BCAS3: variants seen among roughly 807,000 people sequenced by gnomAD.
BCAS3 encodes BCAS3 microtubule associated cell migration factor.
In BCAS3, 53 loss-of-function variants were observed where a neutral mutation model predicts 116.1. The ratio of observed to expected loss-of-function variants is 0.46; its 90% CI spans 0.37 to 0.57. The LOEUF is 0.57. BCAS3 is among the 20% of genes least tolerant of loss of function. The pLI, the probability that BCAS3 is intolerant of heterozygous loss-of-function variation, is 0.00. For synonymous variants in BCAS3, 391 were observed against 408.2 expected (o/e 0.96, Z 0.51); for missense variants, 917 against 1,165.4 (o/e 0.79, Z 3.10).
chr17:60,714,533 A>T (rs562653940), intron 5 of BCAS3, among the ~76,000 whole-genome samples: 1 of 152,048 alleles, frequency 6.6e-6, no homozygotes, highest in African/African-American at 2.4e-5. Flanking sequence ...GCCACCTGTA[A>T]TCCCAGCTAC....
rs1215196347 is a variant in BCAS3, at chr17:61,144,122, CT to C, written c.2425+59566del. 6.6e-6 allele frequency among the ~76,000 whole-genome samples: 1 copy of C among 151,920 alleles called. No homozygotes were observed. The highest frequency in any genetic ancestry group is 2.1e-4 in the South Asian group (1 of 4,810). ...GGAGGACAGTTGACTCCTTTCTACT[CT>C]TTTTTTTGCCGTTGTCCCTATTTTT... On this transcript the variant is annotated intron_variant, in intron 22 of 23. Coordinates refer to ENST00000407086, the MANE Select transcript of BCAS3 (RefSeq NM_017679.5). The surrounding 1 kb of genome is among the most constrained non-coding windows in gnomAD (Gnocchi z 5.0).
intron 22 of BCAS3, among the ~76,000 whole-genome samples, chr17:61,176,727 T>C (rs1032573698): frequency 3.3e-5 from 5 of 151,808 alleles, no homozygotes; most frequent in African/African-American, 1.2e-4. Flanking sequence ...CCCAACAATT[T>C]TTGAAATTTT....
chr17:60,891,241 T>C (rs771147202), intron 10 of BCAS3, among the ~76,000 whole-genome samples: 2 of 152,220 alleles, frequency 1.3e-5, no homozygotes, highest in African/African-American at 2.4e-5. Context: ...TTGGTTCTTG[T>C]GGATGTATTC....
intron 6 of BCAS3, among the ~76,000 whole-genome samples, chr17:60,785,134 TTTAAC>T (rs1463127272): frequency 6.6e-6 from 1 of 152,148 alleles, no homozygotes; most frequent in Non-Finnish European, 1.5e-5. Context: ...AACATGCCCT[TTTAAC>T]TTAGGAGTTT....
At chr17:60,862,377 G>A (rs1163687083) in intron 7 of BCAS3, among the ~76,000 whole-genome samples, 3 of 152,108 alleles carry the variant, frequency 2.0e-5, no homozygotes, top group Non-Finnish European at 4.4e-5. Context: ...AATTTCAGTA[G>A]GATTGGTAGC....
At chr17:61,330,462 G>A (rs796798685) in intron 22 of BCAS3, among the ~76,000 whole-genome samples, 43 of 152,290 alleles carry the variant, frequency 2.8e-4, no homozygotes, top group African/African-American at 1.0e-3. Flanking sequence ...CTTTGAATTG[G>A]CCTGGGCCCC....
intron 17 of BCAS3, among the ~76,000 whole-genome samples, chr17:61,036,911 CTT>C (rs905555311): frequency 6.6e-6 from 1 of 152,068 alleles, no homozygotes; most frequent in African/African-American, 2.4e-5. Flanking sequence ...GTTGAATAGA[CTT>C]TATTTTCTAA....
At chr17:60,734,093 G>C (rs1346663825) in intron 5 of BCAS3, among the ~76,000 whole-genome samples, 1 of 152,036 alleles carries the variant, frequency 6.6e-6, no homozygotes, top group Non-Finnish European at 1.5e-5. Flanking sequence ...TATCATCTAG[G>C]TTTTCTCCTG....
chr17:60,969,256 C>T (rs925374732), intron 14 of BCAS3, among the ~76,000 whole-genome samples: 1 of 152,052 alleles, frequency 6.6e-6, no homozygotes, highest in African/African-American at 2.4e-5. Context: ...CTGGAAGTCT[C>T]CATCTTCTAG....
At chr17:61,016,955 G>A (rs889092793) in intron 16 of BCAS3, 2 of 152,126 alleles carry the variant, frequency 1.3e-5, no homozygotes, top group Non-Finnish European at 2.9e-5. Context: ...TAGGTGGAGT[G>A]GTGTTTGTAT....
chr17:60,703,946 A>G, intron 4 of BCAS3, among the ~76,000 whole-genome samples: 1 of 151,978 alleles, frequency 6.6e-6, no homozygotes, highest in Middle Eastern at 3.4e-3. Context: ...AGAAAAAAAA[A>G]AGAAAGACTT....
rs1031423886 is a variant in BCAS3 at position 61,051,574 on chromosome 17, A to C, written c.2029+10682A>C. ...TGTACTATTTTGCAACTTTTTGTGA[A>C]TCTTTAATCATTTCAAAATAAAAAC... On this transcript the variant is annotated intron_variant, in intron 19 of 23. Coordinates refer to ENST00000407086, the MANE Select transcript of BCAS3 (RefSeq NM_017679.5). The surrounding 1 kb of genome is among the most constrained non-coding windows in gnomAD (Gnocchi z 4.1). Among the ~76,000 whole-genome samples, 2 of 152,186 alleles carry C rather than the reference A, an allele frequency of 1.3e-5. No individual in the cohort carries two copies. Among genetic ancestry groups the C allele is most frequent in the Non-Finnish European group, 2.9e-5 (2 of 68,036 alleles).
chr17:61,136,363 T>C lies in BCAS3; in HGVS notation c.2425+51799T>C, dbSNP rs1033045725. Among the ~76,000 whole-genome samples, 1 of 152,184 alleles carries C rather than the reference T, an allele frequency of 6.6e-6. No individual in the cohort carries two copies. The highest frequency in any genetic ancestry group is 1.5e-5 in the Non-Finnish European group (1 of 68,030). ...AGACAGATACTGTCTCTTCTTCATCTCTATATCTGTAGAACAGGGTTTCTC... is the reference window on the plus strand; with the variant it reads ...AGACAGATACTGTCTCTTCTTCATCCCTATATCTGTAGAACAGGGTTTCTC... On this transcript the variant is annotated intron_variant, in intron 22 of 23. Coordinates refer to ENST00000407086, the MANE Select transcript of BCAS3 (RefSeq NM_017679.5). The surrounding 1 kb of genome is among the most constrained non-coding windows in gnomAD (Gnocchi z 4.4).
rs150118723 is a variant in BCAS3 at position 60,926,638 on chromosome 17, A to G, written c.1087+2138A>G. On this transcript the variant is annotated intron_variant, in intron 13 of 23. Transcript: ENST00000407086. ...GCCTGGAAGTTATGTCACTTGTAGC[A>G]CTCCACTTGGAATGACCGGTATGAC... Among the ~76,000 whole-genome samples the G allele has an allele frequency of 4.7e-3, 713 of 152,094 alleles. 4 individuals carry two copies. Among genetic ancestry groups the G allele is most frequent in the African/African-American group, 0.016 (656 of 41,488 alleles).
chr17:61,141,064 C>G lies in BCAS3; in HGVS notation c.2425+56500C>G, dbSNP rs773878485. ...TCTTTATCCTGATTCACCTGTACAG[C>G]GGGACTAGGCTGGTTCATTTCAACA... is the stretch of plus-strand genomic sequence containing the variant. On this transcript the variant is annotated intron_variant, in intron 22 of 23. Coordinates refer to ENST00000407086, the MANE Select transcript of BCAS3 (RefSeq NM_017679.5). This position sits in a 1 kb window ranked among gnomAD's most constrained non-coding sequence, Gnocchi z 4.3. 6.6e-6 allele frequency among the ~76,000 whole-genome samples: 1 copy of G among 151,962 alleles called. No homozygotes were observed. The highest frequency in any genetic ancestry group is 1.5e-5 in the Non-Finnish European group (1 of 67,978).
At chr17:61,360,048 C>A (rs1009176954) in intron 22 of BCAS3, among the ~76,000 whole-genome samples, 9 of 151,292 alleles carry the variant, frequency 5.9e-5, no homozygotes, top group Admixed American at 5.9e-4. Context: ...ACTCTGTCGC[C>A]CAGACTGGAG....
At position 61,068,398 on chromosome 17, in the gene BCAS3, A is replaced by G. The variant is rs1227940893; in HGVS notation, c.2030-6522A>G. Among the ~76,000 whole-genome samples the G allele has an allele frequency of 6.6e-6, 1 of 152,192 alleles. No homozygotes were observed. Among genetic ancestry groups the G allele is most frequent in the Admixed American group, 6.5e-5 (1 of 15,280 alleles). On this transcript the variant is annotated intron_variant, in intron 19 of 23. Coordinates refer to ENST00000407086, the MANE Select transcript of BCAS3 (RefSeq NM_017679.5). The surrounding 1 kb of genome is among the most constrained non-coding windows in gnomAD (Gnocchi z 4.3). The stretch of plus-strand genomic sequence containing the variant: ...TTTTGTCCTAATTGTCACCACTGAC[A>G]TGTCCCATTTCCCCACCAGATCATT...
chr17:60,704,823 G>A (rs2036898228), intron 4 of BCAS3, among the ~76,000 whole-genome samples: 1 of 136,892 alleles, frequency 7.3e-6, no homozygotes, highest in African/African-American at 2.6e-5. Flanking sequence ...GGGAGACAGA[G>A]TGAGACTCAG....
At position 61,392,112 on chromosome 17, in the gene BCAS3, C is replaced by T. The variant is rs754012808; in HGVS notation, c.2729C>T (p.Thr910Ile). ...NESQPLSLFPTGFP is the reference protein window; with the variant it reads ...NESQPLSLFPIGFP ...AGCCAGCCCCTCAGCCTCTTCCCGA[C>T]TGGCTTCCCGTAGGTACCAGCAACC... The change falls in exon 24 of 24, where the codon ACT becomes ATT. Residue 910 changes from threonine (T) to isoleucine (I), a missense_variant. Physicochemically the swap from Thr to Ile is moderately conservative, Grantham distance 89. Transcript: ENST00000407086. This position sits in a 1 kb window ranked among gnomAD's most constrained non-coding sequence, Gnocchi z 6.4. 1.1e-5 allele frequency: 17 copies of T among 1,613,294 alleles called. No individual in the cohort carries two copies. The Admixed American group carries it at 1.8e-4, about 17-fold the overall frequency.
Sources: gnomAD v4.1 joint callset for allele counts (sites outside exome capture counted in the v4.1 genomes callset) on GRCh38, gnomAD v4.1.1 for gene constraint, Gnocchi (gnomAD v3.1) non-coding constraint, MANE v1.5 for transcripts, NCBI Gene and HGNC (gene_info 2026-07-23, HGNC 2026-07-21) for gene names.